Variants in SGCD observed in about 807,000 individuals in gnomAD.
SGCD encodes delta-sarcoglycan.
In SGCD, 18 loss-of-function variants were observed where a neutral mutation model predicts 36.6. The observed-to-expected ratio is 0.49, with a 90% CI of 0.34 to 0.73. The LOEUF is 0.73. SGCD is among the 30% of genes least tolerant of loss of function. SGCD has a pLI of 0.01. For missense variants in SGCD, 387 were observed against 346.7 expected (o/e 1.12, Z -0.92); for synonymous variants, 133 against 130.6 (o/e 1.02, Z -0.12).
chr5:156,566,827 T>G (rs1288172018), intron 4 of SGCD, among the ~76,000 whole-genome samples: 1 of 152,212 alleles, frequency 6.6e-6, no homozygotes, highest in Non-Finnish European at 1.5e-5. Flanking sequence ...AGACATTATC[T>G]TTAATATAAT....
intron 3 of SGCD, among the ~76,000 whole-genome samples, chr5:156,457,192 A>G (rs1019649202): frequency 6.6e-6 from 1 of 152,206 alleles, no homozygotes. Flanking sequence ...CAGCAGAGAC[A>G]CCTTATTTTC....
upstream of SGCD, among the ~76,000 whole-genome samples, chr5:155,869,401 T>C (rs1157360323): frequency 6.6e-6 from 1 of 152,214 alleles, no homozygotes; most frequent in Non-Finnish European, 1.5e-5. Flanking sequence ...CACAATTGTA[T>C]AAATGATTTT....
chr5:156,222,636 ATTTG>A (rs1200536852), intron 3 of SGCD, among the ~76,000 whole-genome samples: 1 of 152,074 alleles, frequency 6.6e-6, no homozygotes, highest in Non-Finnish European at 1.5e-5. Context: ...TTTATTCTGG[ATTTG>A]TTTGTCTCAA....
intron 1 of SGCD, among the ~76,000 whole-genome samples, chr5:155,887,875 T>A (rs988999821): frequency 1.3e-5 from 2 of 152,228 alleles, no homozygotes; most frequent in African/African-American, 4.8e-5. Flanking sequence ...CACTTTATGT[T>A]GATCCTTAAT....
intron 4 of SGCD, among the ~76,000 whole-genome samples, chr5:156,524,184 C>CTATATA (rs370041027): frequency 0.024 from 1,829 of 75,194 alleles, 78 homozygotes; most frequent in Middle Eastern, 0.032. Context: ...ATAGGTCTTA[C>CTATATA]TATATATATA....
chr5:156,419,094 TC>T (rs1195937176), intron 3 of SGCD, among the ~76,000 whole-genome samples: 1 of 152,162 alleles, frequency 6.6e-6, no homozygotes, highest in Non-Finnish European at 1.5e-5. Flanking sequence ...GATGTTTTTT[TC>T]AACCACCCAC....
the SGCD span, among the ~76,000 whole-genome samples, chr5:155,793,300 C>T: frequency 6.6e-6 from 1 of 152,076 alleles, no homozygotes; most frequent in Non-Finnish European, 1.5e-5. Context: ...ATACCATGCT[C>T]ACTACCTGGA....
the SGCD span, among the ~76,000 whole-genome samples, chr5:155,789,782 A>G: frequency 6.6e-6 from 1 of 152,112 alleles, no homozygotes; most frequent in African/African-American, 2.4e-5. Flanking sequence ...AGTGTTTAGG[A>G]CCATTTCATA....
At chr5:155,858,232 A>G in the SGCD span, among the ~76,000 whole-genome samples, 42,437 of 152,098 alleles carry the variant, frequency 0.28, 7,469 homozygotes, top group East Asian at 0.44. Context: ...TCTTACATTA[A>G]TCTCATGCAT....
chr5:156,602,544 A>G (rs1761241142), intron 6 of SGCD, among the ~76,000 whole-genome samples: 1 of 152,142 alleles, frequency 6.6e-6, no homozygotes, highest in Admixed American at 6.5e-5. Flanking sequence ...CTGATATTAG[A>G]GGGAACTTCC....
At chr5:156,600,701 T>C (rs1053679446) in intron 6 of SGCD, among the ~76,000 whole-genome samples, 1 of 152,180 alleles carries the variant, frequency 6.6e-6, no homozygotes, top group Non-Finnish European at 1.5e-5. Flanking sequence ...TGTAGTGGGA[T>C]TGCTGGATCA....
At chr5:156,380,492 T>G (rs551790603) in intron 3 of SGCD, among the ~76,000 whole-genome samples, 3 of 152,308 alleles carry the variant, frequency 2.0e-5, no homozygotes, top group Non-Finnish European at 2.9e-5. Context: ...ATTCACTCAT[T>G]CAAAGAAAAT....
At chr5:155,993,959 T>A (rs891564746) in intron 1 of SGCD, among the ~76,000 whole-genome samples, 1 of 152,176 alleles carries the variant, frequency 6.6e-6, no homozygotes, top group Non-Finnish European at 1.5e-5. Flanking sequence ...CACCGCTAGA[T>A]GGGAAAAGTA....
At chr5:156,571,192 T>C (rs253606) in intron 4 of SGCD, among the ~76,000 whole-genome samples, 78,666 of 151,902 alleles carry the variant, frequency 0.52, 21,004 homozygotes, top group African/African-American at 0.64. Context: ...ATTACAGGTG[T>C]GTGCTATCGC....
intron 3 of SGCD, among the ~76,000 whole-genome samples, chr5:156,413,498 A>T (rs1215173156): frequency 6.6e-6 from 1 of 152,206 alleles, no homozygotes; most frequent in Admixed American, 6.5e-5. Context: ...GAACTTTGAG[A>T]TAGGATCGCA....
At chr5:156,245,454 A>C (rs1176358102) in intron 3 of SGCD, among the ~76,000 whole-genome samples, 2 of 152,186 alleles carry the variant, frequency 1.3e-5, no homozygotes, top group Non-Finnish European at 2.9e-5. Context: ...TGACTTATCA[A>C]ACTGTGAGGT....
chr5:156,341,105 T>G (rs762963587), intron 2 of SGCD, among the ~76,000 whole-genome samples: 2 of 152,192 alleles, frequency 1.3e-5, no homozygotes, highest in Non-Finnish European at 2.9e-5. Context: ...TAAGCCACTA[T>G]ACGATGCAGC....
the SGCD span, among the ~76,000 whole-genome samples, chr5:155,731,342 T>C: frequency 2.2e-5 from 3 of 133,912 alleles, no homozygotes; most frequent in Non-Finnish European, 4.8e-5. Context: ...GGAGTGGGAA[T>C]GGGTGGGGAA....
chr5:156,364,251 T>A (rs916205010), intron 3 of SGCD, among the ~76,000 whole-genome samples: 3 of 152,186 alleles, frequency 2.0e-5, no homozygotes, highest in Admixed American at 2.0e-4. Flanking sequence ...GAATTTGGAA[T>A]CTGTAAAGTG....
Sources: allele counts gnomAD v4.1 joint callset (sites outside exome capture counted in the v4.1 genomes callset), GRCh38; gene constraint gnomAD v4.1.1; transcripts MANE v1.5; gene names NCBI Gene and HGNC (gene_info 2026-07-23, HGNC 2026-07-21).